EBLN1: variants seen among roughly 807,000 people sequenced by gnomAD.
EBLN1 encodes endogenous Bornavirus-like nucleoprotein 1.
Under a neutral mutation model 0.8 loss-of-function variants are expected in EBLN1, and 1 was observed. The observed-to-expected ratio is 1.32, with a 90% confidence interval of 0.47 to 6.26. The LOEUF (loss-of-function observed/expected upper bound fraction) is 6.26, where lower values mean the gene tolerates loss of function less well. Among genes scored for constraint, EBLN1 ranks in the 30% most tolerant of loss-of-function variants. The probability of loss-of-function intolerance (pLI) is 0.15; values close to 1 mark genes in which losing one functional copy is unlikely to be tolerated. For synonymous variants in EBLN1, 158 were observed against 158.5 expected, an observed-to-expected ratio of 1.00 and a Z score of 0.02; for missense variants, 396 against 447.9, an observed-to-expected ratio of 0.88 and a Z score of 1.05.
rs397964164 is a variant in EBLN1 at position 22,212,972 on chromosome 10, G to GA, written c.-168-8dup. Among the ~76,000 whole-genome samples the GA allele has an allele frequency of 0.095, 11,671 of 122,918 alleles. 713 individuals carry two copies. Among genetic ancestry groups the GA allele is most frequent in the African/African-American group, 0.19 (6,659 of 34,918 alleles). 80.6% of individuals were successfully genotyped at this position (122,918 alleles called of 152,430 possible). A position where few individuals can be genotyped will look rare whatever the true frequency, so the allele number is the denominator to read the frequency against. ...ACAGAGTGAGATCCTGTCTCTAAAAGAAAAAAAAAAAAAGGTTGTATTAAA... is the reference window on the plus strand; with the variant it reads ...ACAGAGTGAGATCCTGTCTCTAAAAGAAAAAAAAAAAAAAGGTTGTATTAAA... On this transcript the variant is annotated splice_polypyrimidine_tract_variant and splice_region_variant and intron_variant, in intron 1 of 2. Coordinates refer to ENST00000422359, the MANE Select transcript of EBLN1 (RefSeq NM_001394757.1).
At chr10:22,216,674 G>T (rs1440393347) in intron 1 of EBLN1, among the ~76,000 whole-genome samples, 1 of 152,132 alleles carries the variant, frequency 6.6e-6, no homozygotes, top group Non-Finnish European at 1.5e-5. Flanking sequence ...AAAAATATAG[G>T]TTAGACATAT....
chr10:22,211,123 T>G (rs1475471898), intron 2 of EBLN1, among the ~76,000 whole-genome samples: 1 of 152,202 alleles, frequency 6.6e-6, no homozygotes, highest in East Asian at 1.9e-4. Context: ...CATTACATGG[T>G]CATTCATTCC....
At position 22,209,120 on chromosome 10, in the gene EBLN1, A is replaced by G. The variant is rs1402862924; in HGVS notation, c.864T>C (p.Pro288=). The G allele has an allele frequency of 6.5e-7, 1 of 1,536,250 alleles. No individual in the cohort carries two copies. Among genetic ancestry groups the G allele is most frequent in the Non-Finnish European group, 8.7e-7 (1 of 1,146,914 alleles). The change falls in exon 3 of 3, where the codon CCT becomes CCC. Residue 288 remains proline, a synonymous_variant. Transcript: ENST00000422359. ...TTTGTGGTGATAGCACCCCAATAAC[A>G]GGGTGGCGAAGTACACCCCCAAATT... The part of the protein sequence containing the change: ...FFEFGGVLRH[P]VIGVLSPQMF...
At chr10:22,214,302 C>CTTTTT (rs34128744) in intron 1 of EBLN1, among the ~76,000 whole-genome samples, 2 of 139,048 alleles carry the variant, frequency 1.4e-5, no homozygotes, top group African/African-American at 2.7e-5. Context: ...GTTTTACTTT[C>CTTTTT]TTTTTTTTTT....
intron 2 of EBLN1, among the ~76,000 whole-genome samples, chr10:22,210,303 A>G (rs1044670112): frequency 2.0e-5 from 3 of 152,180 alleles, no homozygotes; most frequent in Admixed American, 2.0e-4. Flanking sequence ...CATTTCGAGC[A>G]CAAAATTTAA....
At chr10:22,213,045 T>C (rs1834767217) in intron 1 of EBLN1, among the ~76,000 whole-genome samples, 80 bp from the exon 2 acceptor site, 1 of 152,072 alleles carries the variant, frequency 6.6e-6, no homozygotes, top group African/African-American at 2.4e-5. Flanking sequence ...TACAGGTCTG[T>C]AGCCTACACT....
intron 1 of EBLN1, among the ~76,000 whole-genome samples, chr10:22,216,303 C>A (rs952398983): frequency 2.6e-5 from 4 of 152,016 alleles, no homozygotes; most frequent in African/African-American, 9.7e-5. Flanking sequence ...GATAACATAC[C>A]CCTCAATCCA....
chr10:22,214,529 T>A (rs1286832644), intron 1 of EBLN1, among the ~76,000 whole-genome samples: 4 of 152,082 alleles, frequency 2.6e-5, no homozygotes, highest in African/African-American at 9.7e-5. Flanking sequence ...TTGACAGAAC[T>A]GACAATGTAG....
At chr10:22,211,810 G>A (rs943474956) in intron 2 of EBLN1, among the ~76,000 whole-genome samples, 2 of 152,170 alleles carry the variant, frequency 1.3e-5, no homozygotes, top group Middle Eastern at 6.8e-3. Flanking sequence ...TTACAGGTGT[G>A]AGCCACTGCA....
chr10:22,209,268 G>C lies in EBLN1; in HGVS notation c.716C>G (p.Thr239Ser), dbSNP rs1305562980. 6.3e-7 allele frequency: 1 copy of C among 1,582,478 alleles called. No homozygotes were observed. Among genetic ancestry groups the C allele is most frequent in the South Asian group, 1.1e-5 (1 of 88,908 alleles). Residue 239 changes from threonine to serine, a missense_variant, in exon 3 of 3, where the codon ACT (threonine) becomes AGT (serine). Transcript: ENST00000422359. ...ACACTGATCCAGGAACATTCTCACA[G>C]TGTAGTAGGTCATCATCTGTGCTTT... is the stretch of plus-strand genomic sequence containing the variant. ...ASKAQMMTYYTVRMFLDQCVD... is the reference protein window; with the variant it reads ...ASKAQMMTYYSVRMFLDQCVD...
In EBLN1 at chr10:22,209,432, T is replaced by C. The variant is rs1191317301; in HGVS notation, c.552A>G (p.Leu184=). ...RPLHSESADL[L]ISYNAGPAID... ...TAGCTGGCCCTGCATTATAGCTAATTAATAAATCAGCACTTTCACTATGCA... is the reference window on the plus strand; with the variant it reads ...TAGCTGGCCCTGCATTATAGCTAATCAATAAATCAGCACTTTCACTATGCA... Residue 184 remains leucine (L), a synonymous_variant, in exon 3 of 3, where the codon TTA becomes TTG. Coordinates refer to ENST00000422359, the MANE Select transcript of EBLN1 (RefSeq NM_001394757.1). The C allele has an allele frequency of 1.2e-6, 2 of 1,600,848 alleles. No individual in the cohort carries two copies. Among genetic ancestry groups the C allele is most frequent in the Admixed American group, 1.7e-5 (1 of 60,018 alleles).
At chr10:22,211,120 T>C (rs1254951799) in intron 2 of EBLN1, among the ~76,000 whole-genome samples, 1 of 152,224 alleles carries the variant, frequency 6.6e-6, no homozygotes, top group Non-Finnish European at 1.5e-5. Context: ...TAACATTACA[T>C]GGTCATTCAT....
intron 1 of EBLN1, among the ~76,000 whole-genome samples, chr10:22,215,428 A>C (rs1233384603): frequency 6.6e-6 from 1 of 152,208 alleles, no homozygotes; most frequent in Non-Finnish European, 1.5e-5. Flanking sequence ...AGAAGAAAGC[A>C]AGTTAACAAA....
chr10:22,210,093 A>T, intron 2 of EBLN1, 66 bp from the exon 3 acceptor site: 1 of 1,211,846 alleles, frequency 8.3e-7, no homozygotes, highest in Non-Finnish European at 1.0e-6. Flanking sequence ...AATAAAATGT[A>T]TTATGACTTC....
chr10:22,217,062 T>G (rs1834797783), intron 1 of EBLN1, among the ~76,000 whole-genome samples: 1 of 152,242 alleles, frequency 6.6e-6, no homozygotes, highest in South Asian at 2.1e-4. Context: ...ACAATTCTGT[T>G]GCTTGATTTT....
At chr10:22,212,623 C>G (rs890310824) in intron 2 of EBLN1, among the ~76,000 whole-genome samples, 1 of 151,856 alleles carries the variant, frequency 6.6e-6, no homozygotes, top group Non-Finnish European at 1.5e-5. Context: ...GTTGAGAAGT[C>G]TTTATACACA....
intron 1 of EBLN1, among the ~76,000 whole-genome samples, chr10:22,216,488 A>T (rs1435442209): frequency 6.6e-6 from 1 of 152,236 alleles, no homozygotes; most frequent in Non-Finnish European, 1.5e-5. Context: ...CTCTTTAAGG[A>T]AAACAAGCTA....
chr10:22,212,785 TA>T lies in EBLN1; in HGVS notation c.-45+56del, dbSNP rs58169140. On this transcript the variant is annotated intron_variant, in intron 2 of 2. Transcript: ENST00000422359. ...GGCAATACAGCAGGACACCATCTCT[TA>T]AAAAAAAAAAAGTTGTGTTTTTTTT... Among the ~76,000 whole-genome samples the T allele has an allele frequency of 8.1e-4, 116 of 142,504 alleles. 1 individual carries two copies. The highest frequency in any genetic ancestry group is 1.5e-3 in the Admixed American group (22 of 14,276). 93.5% of individuals were successfully genotyped at this position (142,504 alleles called of 152,430 possible).
rs1212903123 is a variant in EBLN1, at chr10:22,209,855, T to C, written c.129A>G (p.Ala43=). The C allele has an allele frequency of 1.3e-6, 2 of 1,527,188 alleles. No individual in the cohort carries two copies. Among genetic ancestry groups the C allele is most frequent in the Non-Finnish European group, 8.7e-7 (1 of 1,143,002 alleles). The allele number at this position is 1,527,188 out of a possible 1,614,324, so 94.6% of individuals were successfully genotyped here. A position where few individuals can be genotyped will look rare whatever the true frequency, so the allele number is the denominator to read the frequency against. ...SGKSRQYPAD[A]LEPQPGIGDV... The stretch of plus-strand genomic sequence containing the variant: ...CTCCAATACCAGGTTGGGGCTCCAA[T>C]GCATCTGCTGGATACTGTCTGCTCT... The change falls in exon 3 of 3, where the codon GCA becomes GCG. Residue 43 remains alanine (A), a synonymous_variant. Coordinates refer to ENST00000422359, the MANE Select transcript of EBLN1 (RefSeq NM_001394757.1).
Sources: allele counts gnomAD v4.1 joint callset (sites outside exome capture counted in the v4.1 genomes callset), GRCh38; gene constraint gnomAD v4.1.1; transcripts MANE v1.5; gene names NCBI Gene and HGNC (gene_info 2026-07-23, HGNC 2026-07-21).